SLC25A26: variants seen among roughly 807,000 people sequenced by gnomAD.
SLC25A26 encodes solute carrier family 25 member 26.
A neutral mutation model predicts 37.8 loss-of-function variants in SLC25A26; 36 were observed. That is an observed-to-expected ratio of 0.95 (90% CI 0.73 to 1.26). The LOEUF (loss-of-function observed/expected upper bound fraction) is 1.26. SLC25A26 is among the 50% of genes most tolerant of loss of function. The probability of loss-of-function intolerance (pLI) is 0.00; values close to 1 mark genes in which losing one functional copy is unlikely to be tolerated. For missense variants in SLC25A26, 390 were observed against 331.1 expected, an observed-to-expected ratio of 1.18 and a Z score of -1.38; for synonymous variants, 129 against 122.5, an observed-to-expected ratio of 1.05 and a Z score of -0.35.
At chr3:66,345,897 A>G (rs2076310990) in intron 5 of SLC25A26, among the ~76,000 whole-genome samples, 1 of 152,240 alleles carries the variant, frequency 6.6e-6, no homozygotes, top group Admixed American at 6.5e-5. Flanking sequence ...CTTGGGCTCA[A>G]AAACTCAGAA....
At chr3:66,291,982 C>T (rs546124598) in intron 5 of SLC25A26, among the ~76,000 whole-genome samples, 9 of 152,088 alleles carry the variant, frequency 5.9e-5, no homozygotes, top group Non-Finnish European at 1.0e-4. Flanking sequence ...TCTGGGTGCT[C>T]CTGTATTGGG....
upstream of SLC25A26, among the ~76,000 whole-genome samples, chr3:66,218,082 G>A (rs1468527727): frequency 2.0e-5 from 3 of 148,096 alleles, no homozygotes; most frequent in Non-Finnish European, 4.5e-5. Context: ...AGAATTTCAC[G>A]TAAGTGGAAT....
intron 3 of SLC25A26, among the ~76,000 whole-genome samples, chr3:66,245,166 C>G (rs2107132312): frequency 6.6e-6 from 1 of 150,954 alleles, no homozygotes. Flanking sequence ...ACTCAGCCTC[C>G]CAAAGTACTG....
At position 66,363,270 on chromosome 3, in the gene SLC25A26, G is replaced by A. The variant is rs1428066857; in HGVS notation, c.568+341G>A. On this transcript the variant is annotated intron_variant, in intron 7 of 9. Coordinates refer to ENST00000354883, the MANE Select transcript of SLC25A26 (RefSeq NM_001379210.1). ...TGGGTGCAGGGCTCACCATGCAGCT[G>A]TCTGCCTTGGGCAGTGCTTAGGGGG... Among the ~76,000 whole-genome samples, 4 of 152,214 alleles carry A rather than the reference G, an allele frequency of 2.6e-5. No homozygotes were observed. The East Asian group carries it at 7.7e-4, about 29-fold the overall frequency.
At chr3:66,145,289 G>T (rs1446604344) in intron 1 of SLC25A26, among the ~76,000 whole-genome samples, 2 of 152,182 alleles carry the variant, frequency 1.3e-5, no homozygotes, top group African/African-American at 4.8e-5. Flanking sequence ...AATGTTCCCA[G>T]TCGTTCTGGT....
At chr3:66,273,463 G>A (rs1432601528) in intron 5 of SLC25A26, among the ~76,000 whole-genome samples, 1 of 152,074 alleles carries the variant, frequency 6.6e-6, no homozygotes, top group Non-Finnish European at 1.5e-5. Context: ...CACAATTTCA[G>A]ATCCTGTTAT....
chr3:66,173,147 G>A (rs1047099628), intron 1 of SLC25A26, among the ~76,000 whole-genome samples: 1 of 152,184 alleles, frequency 6.6e-6, no homozygotes, highest in Non-Finnish European at 1.5e-5. Context: ...TCGGAAAGAT[G>A]CATTTTTTGT....
chr3:66,136,035 A>G (rs2069941587), intron 1 of SLC25A26, among the ~76,000 whole-genome samples: 1 of 152,226 alleles, frequency 6.6e-6, no homozygotes. Context: ...ATTGATCACA[A>G]CAATTCAGAA....
At chr3:66,211,420 G>A (rs891907195) in intron 1 of SLC25A26, among the ~76,000 whole-genome samples, 3,162 of 152,296 alleles carry the variant, frequency 0.021, 47 homozygotes, top group Non-Finnish European at 0.033. Flanking sequence ...AATCGTGAGG[G>A]AGCCGGTGAA....
intron 5 of SLC25A26, among the ~76,000 whole-genome samples, chr3:66,308,178 G>T (rs565337509): frequency 6.6e-6 from 1 of 152,074 alleles, no homozygotes; most frequent in African/African-American, 2.4e-5. Context: ...TTATTTTCTT[G>T]AGCAGTAATT....
At chr3:66,300,251 G>GTTTTTTTTTTTT (rs1309490705) in intron 5 of SLC25A26, among the ~76,000 whole-genome samples, 1,614 of 110,278 alleles carry the variant, frequency 0.015, 33 homozygotes, top group Non-Finnish European at 0.024. Flanking sequence ...GGGTTTTTTT[G>GTTTTTTTTTTTT]TTTTGTTTTT....
chr3:66,335,101 G>T (rs1431692988), intron 5 of SLC25A26, among the ~76,000 whole-genome samples: 1 of 152,132 alleles, frequency 6.6e-6, no homozygotes, highest in Admixed American at 6.6e-5. Context: ...GTAACAACTG[G>T]GGAAAAAAAC....
At chr3:66,275,239 TG>T (rs1432805758) in intron 5 of SLC25A26, among the ~76,000 whole-genome samples, 1 of 105,746 alleles carries the variant, frequency 9.5e-6, no homozygotes, top group Non-Finnish European at 1.8e-5. Flanking sequence ...CATCACACTC[TG>T]GGGATGTTGT....
intron 5 of SLC25A26, among the ~76,000 whole-genome samples, chr3:66,321,718 A>C (rs570163734): frequency 3.8e-4 from 57 of 150,380 alleles, no homozygotes; most frequent in African/African-American, 1.3e-3. Context: ...GGGGGGTTGT[A>C]TCATGCTTTC....
intron 3 of SLC25A26, among the ~76,000 whole-genome samples, chr3:66,253,143 C>G (rs1042520428): frequency 6.6e-6 from 1 of 150,960 alleles, no homozygotes; most frequent in African/African-American, 2.4e-5. Flanking sequence ...CGCAGTGGCT[C>G]ATGCCTGTAA....
chr3:66,368,660 CTGTT>C (rs1299449165), intron 7 of SLC25A26, among the ~76,000 whole-genome samples: 1 of 152,158 alleles, frequency 6.6e-6, no homozygotes, highest in Non-Finnish European at 1.5e-5. Flanking sequence ...ACATGTGAGT[CTGTT>C]TGTCCATTTT....
intron 6 of SLC25A26, among the ~76,000 whole-genome samples, chr3:66,353,772 C>T (rs147425676): frequency 0.011 from 1,612 of 152,236 alleles, 28 homozygotes; most frequent in Non-Finnish European, 0.011. Context: ...AGAGACCAAC[C>T]CTGGAGAGCA....
chr3:66,360,082 A>T (rs1181133520), intron 6 of SLC25A26, among the ~76,000 whole-genome samples: 2 of 152,216 alleles, frequency 1.3e-5, no homozygotes, highest in African/African-American at 2.4e-5. Context: ...GTGAAAGTTG[A>T]CAGAGTAAAC....
At chr3:66,202,647 G>A (rs990940181) in intron 1 of SLC25A26, among the ~76,000 whole-genome samples, 4 of 151,932 alleles carry the variant, frequency 2.6e-5, no homozygotes, top group East Asian at 1.9e-4. Context: ...GTTCAACAGC[G>A]AGAACTCCCA....
Sources: gnomAD v4.1 joint callset for allele counts (sites outside exome capture counted in the v4.1 genomes callset) on GRCh38, gnomAD v4.1.1 for gene constraint, MANE v1.5 for transcripts, NCBI Gene and HGNC (gene_info 2026-07-23, HGNC 2026-07-21) for gene names.